ANKRD54: variants seen among roughly 807,000 people sequenced by gnomAD.
The protein encoded by ANKRD54 is ankyrin repeat domain-containing protein 54.
ANKRD54 carries 26 observed loss-of-function variants against 36.2 expected under a neutral mutation model. That is an observed-to-expected ratio of 0.72 (90% CI 0.53 to 1.00). ANKRD54 has a LOEUF of 1.00. ANKRD54 is among the 50% of genes least tolerant of loss of function. The probability of loss-of-function intolerance (pLI) is 0.00; values close to 1 mark genes in which losing one functional copy is unlikely to be tolerated. For missense variants in ANKRD54, 384 were observed against 424.3 expected (o/e 0.91, Z 0.83); for synonymous variants, 209 against 188.4 (o/e 1.11, Z -0.89).
At chr22:37,834,621 C>T (rs1305008259) in intron 3 of ANKRD54, 3 of 146,580 alleles carry the variant, frequency 2.0e-5, no homozygotes, top group African/African-American at 7.7e-5. Flanking sequence ...CGGCTTGAGC[C>T]CAGAAGGTCG....
intron 2 of ANKRD54, among the ~76,000 whole-genome samples, chr22:37,839,391 GTTAT>G (rs755952702): frequency 1.2e-4 from 18 of 151,810 alleles, no homozygotes; most frequent in South Asian, 4.2e-4. Flanking sequence ...TTTTTCTTAT[GTTAT>G]TTATTTATTT....
At chr22:37,845,975 C>G (rs971608325), upstream of ANKRD54, among the ~76,000 whole-genome samples, 1 of 152,018 alleles carries the variant, frequency 6.6e-6, no homozygotes, top group African/African-American at 2.4e-5. Flanking sequence ...GAGATTGAGA[C>G]CATTCTGGCT....
At chr22:37,840,156 C>A (rs202243316) in intron 2 of ANKRD54, 31 bp downstream of exon 2, 1 of 1,613,948 alleles carries the variant, frequency 6.2e-7, no homozygotes, top group East Asian at 2.2e-5. Flanking sequence ...GCCCATGGGA[C>A]CCTGTAGCTG....
At chr22:37,848,403 C>CTT (rs908579358), upstream of ANKRD54, 2 of 142,098 alleles carry the variant, frequency 1.4e-5, no homozygotes, top group Non-Finnish European at 3.1e-5. Flanking sequence ...TTTTTTTTTT[C>CTT]TTTTTTTTTT....
Position 37,831,886 on chromosome 22 carries a change from C to T in ANKRD54, c.*57G>A. On this transcript the variant is annotated 3_prime_UTR_variant, in exon 8 of 8. Transcript: ENST00000215941. ...CCAGATGTTGGGCTTTTTCTTGGTACTGAGACAGCAGTGGGGCAGGGTGGG... is the reference window on the plus strand; with the variant it reads ...CCAGATGTTGGGCTTTTTCTTGGTATTGAGACAGCAGTGGGGCAGGGTGGG... The T allele has an allele frequency of 6.3e-7, 1 of 1,580,018 alleles. No individual in the cohort carries two copies. Among genetic ancestry groups the T allele is most frequent in the African/African-American group, 1.3e-5 (1 of 74,494 alleles).
At chr22:37,839,117 C>A (rs1048230553) in intron 2 of ANKRD54, among the ~76,000 whole-genome samples, 1 of 152,058 alleles carries the variant, frequency 6.6e-6, no homozygotes, top group Non-Finnish European at 1.5e-5. Flanking sequence ...TTAGGTGATC[C>A]GCCCACTTCA....
chr22:37,843,354 C>A (rs889112725), intron 1 of ANKRD54, among the ~76,000 whole-genome samples: 3 of 152,038 alleles, frequency 2.0e-5, no homozygotes, highest in Non-Finnish European at 4.4e-5. Flanking sequence ...ACCCGGGGGG[C>A]GGAGGTTGCA....
chr22:37,834,589 T>C (rs1359742719), intron 3 of ANKRD54: 1 of 149,560 alleles, frequency 6.7e-6, no homozygotes, highest in Non-Finnish European at 1.5e-5. Flanking sequence ...TCCCAGCTAC[T>C]TGAGAGGCTG....
At chr22:37,837,563 C>A (rs538349589) in intron 3 of ANKRD54, among the ~76,000 whole-genome samples, 1 of 152,336 alleles carries the variant, frequency 6.6e-6, no homozygotes, top group South Asian at 2.1e-4. Flanking sequence ...GGAGGGCCAA[C>A]TTCAAAGGAC....
At chr22:37,834,958 C>G (rs1441911820) in intron 3 of ANKRD54, among the ~76,000 whole-genome samples, 1 of 151,944 alleles carries the variant, frequency 6.6e-6, no homozygotes, top group Non-Finnish European at 1.5e-5. Flanking sequence ...ACTTGGGAGG[C>G]TGAGGCAGGA....
chr22:37,843,251 C>T (rs1222933600), intron 1 of ANKRD54, among the ~76,000 whole-genome samples: 6 of 152,026 alleles, frequency 3.9e-5, no homozygotes, highest in Non-Finnish European at 8.8e-5. Flanking sequence ...GGTGAAACCC[C>T]ATCTTTACTA....
chr22:37,846,348 T>C (rs1023088051), upstream of ANKRD54, among the ~76,000 whole-genome samples: 20 of 152,160 alleles, frequency 1.3e-4, no homozygotes. Context: ...AGACAGGATC[T>C]CTCACTGTCA....
At chr22:37,847,274 T>A (rs989444654), upstream of ANKRD54, among the ~76,000 whole-genome samples, 2 of 152,042 alleles carry the variant, frequency 1.3e-5, no homozygotes, top group South Asian at 4.2e-4. Flanking sequence ...GTGATTCTCC[T>A]GCCTCAGCCT....
intron 6 of ANKRD54, 44 bp from the exon 7 acceptor site, chr22:37,832,788 G>A: frequency 1.2e-6 from 2 of 1,608,972 alleles, no homozygotes; most frequent in Non-Finnish European, 1.7e-6. Context: ...TCCTAGGGAG[G>A]CAGACAGGCT....
upstream of ANKRD54, among the ~76,000 whole-genome samples, chr22:37,846,112 T>C (rs1010133271): frequency 6.6e-6 from 1 of 151,850 alleles, no homozygotes; most frequent in Non-Finnish European, 1.5e-5. Context: ...GAGGCAGAGC[T>C]TGCGGTGAGC....
chr22:37,841,933 G>A (rs1387398698), intron 1 of ANKRD54, among the ~76,000 whole-genome samples: 1 of 151,698 alleles, frequency 6.6e-6, no homozygotes, highest in Non-Finnish European at 1.5e-5. Flanking sequence ...GTGTGGTGGT[G>A]CATGCCTGTA....
chr22:37,833,920 A>G (rs935278744), intron 3 of ANKRD54, 165 bp from the exon 4 acceptor site: 1 of 649,870 alleles, frequency 1.5e-6, no homozygotes, highest in Non-Finnish European at 2.7e-6. Context: ...TACTTACCAG[A>G]GTTCATGGGC....
chr22:37,832,336 G>GT (rs112298885), intron 7 of ANKRD54, among the ~76,000 whole-genome samples: 209 of 146,426 alleles, frequency 1.4e-3, no homozygotes, highest in Middle Eastern at 7.0e-3. Flanking sequence ...CCTTGCTCTG[G>GT]TTTTTTTTTT....
chr22:37,831,047 G>C lies in ANKRD54; in HGVS notation c.*896C>G, dbSNP rs990123981. 2 of 152,266 alleles carry C rather than the reference G, an allele frequency of 1.3e-5. No individual in the cohort carries two copies. The highest frequency in any genetic ancestry group is 2.4e-5 in the African/African-American group (1 of 41,398). The allele number at this position is 152,266 out of a possible 1,614,324, so 9.4% of individuals were successfully genotyped here. On this transcript the variant is annotated 3_prime_UTR_variant, in exon 8 of 8. Coordinates refer to ENST00000215941, the MANE Select transcript of ANKRD54 (RefSeq NM_138797.4). The stretch of plus-strand genomic sequence containing the variant: ...CTGCCCTCCTCAACTCCAGTTTCCT[G>C]CTCCATCGCTACACCTCCAACCTCC...
Sources: allele counts gnomAD v4.1 joint callset (sites outside exome capture counted in the v4.1 genomes callset), GRCh38; gene constraint gnomAD v4.1.1; transcripts MANE v1.5; gene names NCBI Gene and HGNC (gene_info 2026-07-23, HGNC 2026-07-21).